The following ARSB variants were observed in gnomAD, a reference collection of about 807,000 sequenced individuals.
ARSB encodes N-acetylgalactosamine-4-sulfatase.
A neutral mutation model predicts 50.9 loss-of-function variants in ARSB; 41 were observed. That is an observed-to-expected ratio of 0.81 (90% confidence interval 0.63 to 1.04). The LOEUF (loss-of-function observed/expected upper bound fraction) is 1.04. Ranked by LOEUF, ARSB falls within the 50% of genes least tolerant of loss-of-function variation. ARSB has a pLI of 0.00. For synonymous variants in ARSB, 269 were observed against 284.8 expected, an observed-to-expected ratio of 0.94 and a Z score of 0.56; for missense variants, 672 against 693.3, an observed-to-expected ratio of 0.97 and a Z score of 0.35.
At chr5:78,914,737 C>T (rs1378617570) in intron 4 of ARSB, among the ~76,000 whole-genome samples, 1 of 152,182 alleles carries the variant, frequency 6.6e-6, no homozygotes, top group Non-Finnish European at 1.5e-5. Context: ...CGTGCATGAT[C>T]TCAGCTCACT....
chr5:78,906,860 T>C (rs917559798), intron 4 of ARSB, among the ~76,000 whole-genome samples: 1 of 152,236 alleles, frequency 6.6e-6, no homozygotes, highest in African/African-American at 2.4e-5. Flanking sequence ...ATACTTGTCT[T>C]GATTTTTTTT....
intron 4 of ARSB, among the ~76,000 whole-genome samples, chr5:78,916,708 GA>G (rs1242772744): frequency 2.6e-5 from 4 of 152,156 alleles, no homozygotes; most frequent in Non-Finnish European, 5.9e-5. Flanking sequence ...AAGTGTGTAA[GA>G]AAATCAGGAA....
intron 4 of ARSB, among the ~76,000 whole-genome samples, chr5:78,920,815 A>G (rs1749776079): frequency 6.6e-6 from 1 of 152,162 alleles, no homozygotes; most frequent in African/African-American, 2.4e-5. Context: ...CCAGAGGACA[A>G]CTGCTTCCTC....
intron 6 of ARSB, among the ~76,000 whole-genome samples, chr5:78,832,997 A>C (rs1016942631): frequency 2.0e-5 from 3 of 152,230 alleles, no homozygotes; most frequent in Non-Finnish European, 4.4e-5. Context: ...CAGATGGGGC[A>C]GGATCATTAC....
At position 78,949,071 on chromosome 5, in the gene ARSB, T is replaced by C. The variant is rs559826909; in HGVS notation, c.898+6224A>G. ...GCACAATGTTGTGCAGCCATCACCTTGAAAATTGCATTTTTAACAAATGCT... is the reference window on the plus strand; with the variant it reads ...GCACAATGTTGTGCAGCCATCACCTCGAAAATTGCATTTTTAACAAATGCT... On this transcript the variant is annotated intron_variant, in intron 4 of 7. Transcript: ENST00000264914. Among the ~76,000 whole-genome samples, 8 of 152,328 alleles carry C rather than the reference T, an allele frequency of 5.3e-5. 1 individual carries two copies. In the South Asian group the frequency reaches 1.7e-3, roughly 32 times the overall value.
chr5:78,826,659 A>G (rs1226339223), intron 6 of ARSB, among the ~76,000 whole-genome samples: 1 of 152,172 alleles, frequency 6.6e-6, no homozygotes, highest in East Asian at 1.9e-4. Context: ...TTAATTGTGT[A>G]TATTCTCTGG....
intron 6 of ARSB, among the ~76,000 whole-genome samples, chr5:78,834,185 T>G (rs1393291163): frequency 6.6e-6 from 1 of 152,214 alleles, no homozygotes. Context: ...AGAGACCCTA[T>G]TCTCATGCAG....
intron 4 of ARSB, among the ~76,000 whole-genome samples, chr5:78,891,102 A>G (rs987290815): frequency 4.1e-4 from 63 of 152,336 alleles, no homozygotes; most frequent in African/African-American, 1.4e-3. Context: ...CCTACCACAC[A>G]GAAGGGCTCA....
chr5:78,955,410 C>T lies in ARSB; in HGVS notation c.783G>A (p.Lys261=), dbSNP rs575119903. The T allele has an allele frequency of 1.3e-5, 21 of 1,614,174 alleles. No individual in the cohort carries two copies. Among genetic ancestry groups the T allele is most frequent in the Middle Eastern group, 1.6e-4 (1 of 6,062 alleles). ...YLKPYDFIQD[K]NRHHYAGMVS... is the part of the protein sequence containing the mutation. ...CCATTCCTGCATAGTGATGCCTGTT[C>T]TTGTCTTGGATAAAGTCATATGGCT... is the stretch of plus-strand genomic sequence containing the variant. The change falls in exon 4 of 8, where the codon AAG becomes AAA. Residue 261 remains lysine, a synonymous_variant. Transcript: ENST00000264914.
intron 5 of ARSB, among the ~76,000 whole-genome samples, chr5:78,848,094 T>C (rs1030865768): frequency 6.6e-5 from 10 of 151,194 alleles, no homozygotes; most frequent in African/African-American, 2.4e-4. Context: ...ATACTTTAAG[T>C]TTTAGGGTAC....
intron 6 of ARSB, among the ~76,000 whole-genome samples, chr5:78,833,537 G>A (rs577462347): frequency 6.2e-4 from 95 of 152,334 alleles, no homozygotes; most frequent in Non-Finnish European, 1.2e-3. Flanking sequence ...CTCTGACACA[G>A]GTCATGAAGC....
At position 78,781,918 on chromosome 5, in the gene ARSB, C is replaced by T; in HGVS notation, c.1270G>A (p.Ala424Thr). The T allele has an allele frequency of 6.2e-7, 1 of 1,614,058 alleles. No individual in the cohort carries two copies. The highest frequency in any genetic ancestry group is 8.5e-7 in the Non-Finnish European group (1 of 1,179,964). ...GCAGCATGGACAGATGTGTTAAAGG[C>T]TGAATATTCTGGAAGAGAAGAGTCA... ...KDDSSLPEYS[A>T]FNTSVHAAIR... The change falls in exon 7 of 8, where the codon GCC becomes ACC. Residue 424 changes from alanine (A) to threonine (T), a missense_variant. Transcript: ENST00000264914.
intron 5 of ARSB, among the ~76,000 whole-genome samples, chr5:78,853,278 A>T (rs1409587331): frequency 6.6e-6 from 1 of 152,234 alleles, no homozygotes; most frequent in African/African-American, 2.4e-5. Context: ...TCTAACAGAC[A>T]GGACCCTCAG....
chr5:78,975,287 C>T (rs1258273336), intron 1 of ARSB, among the ~76,000 whole-genome samples: 1 of 152,248 alleles, frequency 6.6e-6, no homozygotes, highest in Non-Finnish European at 1.5e-5. Flanking sequence ...ACCATGCCCT[C>T]TTCTGCCTGC....
At chr5:78,945,673 G>C (rs1179399211) in intron 4 of ARSB, among the ~76,000 whole-genome samples, 2 of 152,098 alleles carry the variant, frequency 1.3e-5, no homozygotes, top group Non-Finnish European at 2.9e-5. Context: ...CTTCTGAGTG[G>C]ACCCCTGGGT....
intron 6 of ARSB, among the ~76,000 whole-genome samples, chr5:78,808,581 C>T (rs1041918256): frequency 2.0e-5 from 3 of 152,122 alleles, no homozygotes; most frequent in Non-Finnish European, 2.9e-5. Flanking sequence ...GCATGCTCTC[C>T]GGGCACATCC....
chr5:78,905,092 A>T (rs1231733604), intron 4 of ARSB, among the ~76,000 whole-genome samples: 1 of 152,082 alleles, frequency 6.6e-6, no homozygotes, highest in African/African-American at 2.4e-5. Flanking sequence ...AATTTCAGAT[A>T]TTGTGTTTTT....
At chr5:78,911,797 A>T (rs2112317823) in intron 4 of ARSB, among the ~76,000 whole-genome samples, 1 of 152,228 alleles carries the variant, frequency 6.6e-6, no homozygotes, top group South Asian at 2.1e-4. Flanking sequence ...GGACCACAGA[A>T]TCTCAATACA....
At chr5:78,828,281 C>T (rs890719281) in intron 6 of ARSB, among the ~76,000 whole-genome samples, 27 of 151,698 alleles carry the variant, frequency 1.8e-4, no homozygotes, top group Admixed American at 1.2e-3. Context: ...CTTGCACCAC[C>T]CCCCCATCTA....
Sources: allele counts gnomAD v4.1 joint callset (sites outside exome capture counted in the v4.1 genomes callset), GRCh38; gene constraint gnomAD v4.1.1; transcripts MANE v1.5; gene names NCBI Gene and HGNC (gene_info 2026-07-23, HGNC 2026-07-21).